Variants in NRCAM observed in about 807,000 individuals in gnomAD.
NRCAM encodes the protein neuronal cell adhesion molecule.
NRCAM carries 83 observed loss-of-function variants against 156.5 expected under a neutral mutation model. That is an observed-to-expected ratio of 0.53 (90% CI 0.44 to 0.64). The LOEUF is 0.64. Ranked by LOEUF, NRCAM falls within the 30% of genes least tolerant of loss-of-function variation. The probability of loss-of-function intolerance (pLI) is 0.00; values close to 1 mark genes in which losing one functional copy is unlikely to be tolerated. For missense variants in NRCAM, 1,417 were observed against 1,597.3 expected (o/e 0.89, Z 1.92); for synonymous variants, 538 against 563.9 (o/e 0.95, Z 0.65).
rs188940193 is a variant in NRCAM, at chr7:108,357,038, G to A, written c.-174+42398C>T. On this transcript the variant is annotated intron_variant, in intron 2 of 32. Coordinates refer to ENST00000379028, the MANE Select transcript of NRCAM (RefSeq NM_001037132.4). Reference sequence around the variant, plus strand: ...AAGACCGCTATCTGCAAACCAGGAAGGGGACCCTCACCAGACACAGAATCT... The same window carrying A: ...AAGACCGCTATCTGCAAACCAGGAAAGGGACCCTCACCAGACACAGAATCT... 2.1e-3 allele frequency among the ~76,000 whole-genome samples: 326 copies of A among 152,256 alleles called. 4 individuals are homozygous for A. The highest frequency in any genetic ancestry group is 1.7e-3 in the East Asian group (9 of 5,178).
intron 3 of NRCAM, among the ~76,000 whole-genome samples, chr7:108,286,448 C>T (rs73201512): frequency 0.037 from 5,515 of 147,570 alleles, 159 homozygotes; most frequent in South Asian, 0.11. Flanking sequence ...AATAAAAAGG[C>T]GAACAAGTAA....
rs116094223 is a variant in NRCAM, at chr7:108,364,866, A to G, written c.-174+34570T>C. On this transcript the variant is annotated intron_variant, in intron 2 of 32. Transcript: ENST00000379028. ...AGAATGGGGAGTGACTGTGTATGGG[A>G]ACATAGCTTCTTTTGGAGATGACGA... Among the ~76,000 whole-genome samples the G allele has an allele frequency of 9.5e-4, 145 of 152,256 alleles. 2 individuals are homozygous for G. The highest frequency in any genetic ancestry group is 3.3e-3 in the African/African-American group (136 of 41,552).
intron 14 of NRCAM, among the ~76,000 whole-genome samples, chr7:108,196,633 A>G (rs1334851485): frequency 6.6e-6 from 1 of 152,164 alleles, no homozygotes; most frequent in Non-Finnish European, 1.5e-5. Flanking sequence ...CCACAATGAG[A>G]TATTATATCA....
intron 3 of NRCAM, among the ~76,000 whole-genome samples, chr7:108,283,755 C>A (rs1266972868): frequency 6.6e-6 from 1 of 152,182 alleles, no homozygotes; most frequent in East Asian, 1.9e-4. Flanking sequence ...AATCTTCCTT[C>A]ACATTTTAGC....
At chr7:108,420,115 T>C (rs1056740301) in intron 1 of NRCAM, among the ~76,000 whole-genome samples, 2 of 151,864 alleles carry the variant, frequency 1.3e-5, no homozygotes, top group African/African-American at 4.8e-5. Flanking sequence ...AAGAATATCC[T>C]TTCAGAACAT....
intron 28 of NRCAM, among the ~76,000 whole-genome samples, chr7:108,168,684 CA>C (rs2056507053): frequency 6.6e-6 from 1 of 152,154 alleles, no homozygotes; most frequent in Non-Finnish European, 1.5e-5. Flanking sequence ...CCATTAGATA[CA>C]GTCCCGGGAA....
chr7:108,413,450 G>C (rs1797840165), intron 1 of NRCAM, among the ~76,000 whole-genome samples: 1 of 152,004 alleles, frequency 6.6e-6, no homozygotes, highest in Admixed American at 6.6e-5. Context: ...TGTATGGTTT[G>C]CCAATATTTT....
intron 2 of NRCAM, among the ~76,000 whole-genome samples, chr7:108,391,529 A>G (rs919824991): frequency 6.6e-6 from 1 of 151,726 alleles, no homozygotes; most frequent in African/African-American, 2.4e-5. Flanking sequence ...TCTTTATCCA[A>G]TTTGCCAGTC....
intron 2 of NRCAM, among the ~76,000 whole-genome samples, chr7:108,373,858 G>A (rs1211960204): frequency 6.6e-6 from 1 of 152,148 alleles, no homozygotes; most frequent in Non-Finnish European, 1.5e-5. Context: ...GAAGTGCCAT[G>A]GCAACCACGT....
chr7:108,165,834 T>C (rs1012036607), intron 30 of NRCAM, among the ~76,000 whole-genome samples: 1 of 152,258 alleles, frequency 6.6e-6, no homozygotes, highest in African/African-American at 2.4e-5. Flanking sequence ...ATACATTGTG[T>C]AATGTATTCT....
intron 2 of NRCAM, among the ~76,000 whole-genome samples, chr7:108,392,842 C>G (rs373496483): frequency 2.0e-5 from 3 of 152,230 alleles, no homozygotes; most frequent in South Asian, 4.1e-4. Context: ...TACTTCAGAC[C>G]CTGTTTGCCT....
At chr7:108,186,332 C>T (rs1291168802) in intron 20 of NRCAM, among the ~76,000 whole-genome samples, 1 of 152,168 alleles carries the variant, frequency 6.6e-6, no homozygotes, top group Non-Finnish European at 1.5e-5. Context: ...TCGACAATTC[C>T]ACTTGGTTGT....
intron 2 of NRCAM, among the ~76,000 whole-genome samples, chr7:108,317,966 G>A (rs116785204): frequency 6.6e-6 from 1 of 150,622 alleles, no homozygotes; most frequent in African/African-American, 2.4e-5. Flanking sequence ...AAGGAAAGGG[G>A]GAAGATTGAA....
intron 28 of NRCAM, among the ~76,000 whole-genome samples, chr7:108,170,999 C>G (rs976796889): frequency 2.6e-5 from 4 of 152,134 alleles, no homozygotes; most frequent in Non-Finnish European, 5.9e-5. Context: ...TTGCATTTAG[C>G]TTATTCTTAA....
At chr7:108,358,312 G>T (rs1466607643) in intron 2 of NRCAM, among the ~76,000 whole-genome samples, 1 of 151,902 alleles carries the variant, frequency 6.6e-6, no homozygotes, top group Non-Finnish European at 1.5e-5. Context: ...GGCTAAGGTG[G>T]GAGGATTGCT....
chr7:108,293,111 G>GA (rs1563137316), intron 3 of NRCAM, among the ~76,000 whole-genome samples: 1 of 152,090 alleles, frequency 6.6e-6, no homozygotes, highest in Non-Finnish European at 1.5e-5. Context: ...AGGGGCCATG[G>GA]AAAATCAAAC....
rs558003252 is a variant in NRCAM at position 108,439,790 on chromosome 7, G to C, written c.-332+16453C>G. Among the ~76,000 whole-genome samples the C allele has an allele frequency of 1.0e-4, 13 of 126,100 alleles. No individual in the cohort carries two copies. In the South Asian group the frequency reaches 2.8e-3, roughly 27 times the overall value. The allele number at this position is 126,100 out of a possible 152,430, so 82.7% of individuals were successfully genotyped here. A position where few individuals can be genotyped will look rare whatever the true frequency, so the allele number is the denominator to read the frequency against. On this transcript the variant is annotated intron_variant, in intron 1 of 32. Transcript: ENST00000379028. ...AGAGGTTGCAGTAAGCCGAGATTGC[G>C]CCATTGCACTCCAGCCTGGGTGACA...
chr7:108,405,215 C>T (rs2099803912), intron 1 of NRCAM, among the ~76,000 whole-genome samples: 1 of 152,224 alleles, frequency 6.6e-6, no homozygotes, highest in African/African-American at 2.4e-5. Context: ...TGACAGTGGA[C>T]ACCCAGGAAG....
intron 1 of NRCAM, among the ~76,000 whole-genome samples, chr7:108,433,408 A>G (rs972638589): frequency 6.6e-6 from 1 of 152,082 alleles, no homozygotes; most frequent in Non-Finnish European, 1.5e-5. Context: ...TTGCTCCCCA[A>G]AGTGTGGTTT....
Sources: allele counts gnomAD v4.1 joint callset (sites outside exome capture counted in the v4.1 genomes callset), GRCh38; gene constraint gnomAD v4.1.1; transcripts MANE v1.5; gene names NCBI Gene and HGNC (gene_info 2026-07-23, HGNC 2026-07-21).